Variants in TMEM43 observed in about 807,000 individuals in gnomAD.
TMEM43 encodes the protein arrhythmogenic right ventricular dysplasia 5.
Under a neutral mutation model 49.6 loss-of-function variants are expected in TMEM43, and 45 were observed. The observed-to-expected ratio is 0.91, with a 90% confidence interval of 0.71 to 1.16. The LOEUF is 1.16. Ranked by LOEUF, TMEM43 falls within the 50% of genes most tolerant of loss-of-function variation. The pLI, the probability that TMEM43 is intolerant of heterozygous loss-of-function variation, is 0.00. For missense variants in TMEM43, 532 were observed against 516.6 expected (o/e 1.03, Z -0.29); for synonymous variants, 199 against 207.8 (o/e 0.96, Z 0.36).
chr3:14,131,697 C>T, intron 4 of TMEM43, 23 bp downstream of exon 4: 3 of 1,571,090 alleles, frequency 1.9e-6, no homozygotes, highest in Non-Finnish European at 2.6e-6. Context: ...GGTGAAAACT[C>T]TGTTGGGGTA....
At chr3:14,129,362 T>G in intron 1 of TMEM43, 50 bp from the exon 2 acceptor site, 1 of 1,452,500 alleles carries the variant, frequency 6.9e-7, no homozygotes, top group Non-Finnish European at 9.3e-7. Flanking sequence ...GCAAATTTAA[T>G]TTATTTTTAA....
Position 14,125,351 on chromosome 3 carries a change from C to T in TMEM43, c.12+146C>T, listed in dbSNP as rs1695004259. Reference sequence around the variant, plus strand: ...CTCCCTCTGCTCGCCGTGTCTGTGCCTTCGCCAGCTCATCCCTCTGCTCAT... The same window carrying T: ...CTCCCTCTGCTCGCCGTGTCTGTGCTTTCGCCAGCTCATCCCTCTGCTCAT... On this transcript the variant is annotated intron_variant, in intron 1 of 11. Coordinates refer to ENST00000306077, the MANE Select transcript of TMEM43 (RefSeq NM_024334.3). 3.0e-6 allele frequency: 3 copies of T among 1,004,722 alleles called. No individual in the cohort carries two copies. The African/African-American group carries it at 4.8e-5, about 16-fold the overall frequency. 62.2% of individuals were successfully genotyped at this position (1,004,722 alleles called of 1,614,324 possible).
chr3:14,138,673 AAGCAGATGGG>A (rs1695207021), intron 10 of TMEM43, among the ~76,000 whole-genome samples: 1 of 152,156 alleles, frequency 6.6e-6, no homozygotes, highest in Admixed American at 6.5e-5. Context: ...GAGGCCAAGG[AAGCAGATGGG>A]ATGTCCGGGG....
chr3:14,132,927 A>T lies in TMEM43; in HGVS notation c.504A>T (p.Lys168Asn), dbSNP rs4685076. Residue 168 changes from lysine (K) to asparagine (N), a missense_variant, in exon 6 of 12, where the codon AAA becomes AAT. By Grantham distance (94) the Lys-to-Asn change is moderately conservative. Transcript: ENST00000306077. Reference sequence around the variant, plus strand: ...ACTTCGACCGAGAGATTGGCCACAAAAACCCCAGGTGAGAGCCAGGCCCAA... The same window carrying T: ...ACTTCGACCGAGAGATTGGCCACAATAACCCCAGGTGAGAGCCAGGCCCAA... Reference protein sequence around the residue: ...SKNFDREIGHKNPSAMAVESF... With the variant: ...SKNFDREIGHNNPSAMAVESF... The T allele has an allele frequency of 0.3, 488,920 of 1,612,400 alleles. 75,839 individuals are homozygous for T. The highest frequency in any genetic ancestry group is 0.39 in the Admixed American group (23,433 of 60,004).
At chr3:14,131,973 C>A (rs913114750) in intron 4 of TMEM43, among the ~76,000 whole-genome samples, 1 of 152,130 alleles carries the variant, frequency 6.6e-6, no homozygotes, top group Non-Finnish European at 1.5e-5. Context: ...TCATTAGGAT[C>A]AGCATGTCAA....
At chr3:14,125,306 C>A (rs1458315917) in intron 1 of TMEM43, 101 bp downstream of exon 1, 1 of 1,436,200 alleles carries the variant, frequency 7.0e-7, no homozygotes, top group Non-Finnish European at 9.5e-7. Context: ...TGGAGCTCCT[C>A]CGTGCGGCTA....
chr3:14,134,780 C>T lies in TMEM43; in HGVS notation c.594C>T (p.Asp198=), dbSNP rs369803289. The T allele has an allele frequency of 6.2e-7, 1 of 1,614,048 alleles. No homozygotes were observed. The highest frequency in any genetic ancestry group is 1.3e-5 in the African/African-American group (1 of 74,924). The change falls in exon 8 of 12, where the codon GAC becomes GAT. Residue 198 remains aspartate, a synonymous_variant. Coordinates refer to ENST00000306077, the MANE Select transcript of TMEM43 (RefSeq NM_024334.3). The part of the protein sequence containing the change: ...GRFFLSSGLI[D]KVDNFKSLSL... Reference sequence around the variant, plus strand: ...CTCTGGTCCCCTCAGGCCTCATCGACAAAGTCGACAACTTCAAGTCCCTGA... The same window carrying T: ...CTCTGGTCCCCTCAGGCCTCATCGATAAAGTCGACAACTTCAAGTCCCTGA...
chr3:14,128,169 G>T (rs7624198), intron 1 of TMEM43, among the ~76,000 whole-genome samples: 16,107 of 152,106 alleles, frequency 0.11, 2,112 homozygotes, highest in African/African-American at 0.29. Context: ...GAGCATAAAT[G>T]CAAACCCAGT....
intron 2 of TMEM43, among the ~76,000 whole-genome samples, chr3:14,130,554 C>T (rs1181554267): frequency 6.6e-6 from 1 of 152,126 alleles, no homozygotes; most frequent in Non-Finnish European, 1.5e-5. Flanking sequence ...GCAGAAACAT[C>T]AGCTGTTCCC....
chr3:14,129,149 G>A (rs1695058492), intron 1 of TMEM43: 1 of 399,634 alleles, frequency 2.5e-6, no homozygotes, highest in Non-Finnish European at 4.7e-6. Flanking sequence ...GGTGGAGAGG[G>A]GGAGAATTGG....
chr3:14,126,431 G>A (rs780118099), intron 1 of TMEM43, among the ~76,000 whole-genome samples: 2 of 152,166 alleles, frequency 1.3e-5, no homozygotes, highest in Non-Finnish European at 2.9e-5. Context: ...AGCTCTCGTG[G>A]CCGGCTTGGC....
At chr3:14,138,351 A>C (rs1695198936) in intron 10 of TMEM43, among the ~76,000 whole-genome samples, 1 of 151,900 alleles carries the variant, frequency 6.6e-6, no homozygotes, top group South Asian at 2.1e-4. Context: ...CTGTGTGGAG[A>C]ACACAGAGTG....
At chr3:14,134,634 C>G in intron 7 of TMEM43, 136 bp from the exon 8 acceptor site, 1 of 1,185,636 alleles carries the variant, frequency 8.4e-7, no homozygotes, top group Non-Finnish European at 1.3e-6. Flanking sequence ...GAGACAGAGT[C>G]AGAAAGAGGC....
intron 6 of TMEM43, 67 bp from the exon 7 acceptor site, chr3:14,133,672 C>A: frequency 6.6e-7 from 1 of 1,507,020 alleles, no homozygotes; most frequent in Non-Finnish European, 9.2e-7. Flanking sequence ...CCAGCACAAA[C>A]AACCCAAAGG....
rs1302631884 is a variant in TMEM43 at position 14,141,945 on chromosome 3, G to A, written c.*150G>A. On this transcript the variant is annotated 3_prime_UTR_variant, in exon 12 of 12. Coordinates refer to ENST00000306077, the MANE Select transcript of TMEM43 (RefSeq NM_024334.3). ...CTTCAGGGGCCAGACTTGGCAGCAT[G>A]TGCACCAGGTTGGTGTTCACCAGCT... The A allele has an allele frequency of 4.1e-6, 3 of 735,220 alleles. No individual in the cohort carries two copies. The highest frequency in any genetic ancestry group is 4.4e-6 in the Non-Finnish European group (2 of 456,040). 45.5% of individuals were successfully genotyped at this position (735,220 alleles called of 1,614,324 possible). A position where few individuals can be genotyped will look rare whatever the true frequency, so the allele number is the denominator to read the frequency against.
rs895209093 is a variant in TMEM43 at position 14,142,690 on chromosome 3, G to A, written c.*895G>A. 13 of 152,648 alleles carry A rather than the reference G, an allele frequency of 8.5e-5. No individual in the cohort carries two copies. Among genetic ancestry groups the A allele is most frequent in the African/African-American group, 3.1e-4 (13 of 41,456 alleles). The allele number at this position is 152,648 out of a possible 1,614,324, so 9.5% of individuals were successfully genotyped here. Reference sequence around the variant, plus strand: ...TTGATTGATAAAAAGTTACCTCTCAGTATTTTGTGTCACTGAGAAGCTTTA... The same window carrying A: ...TTGATTGATAAAAAGTTACCTCTCAATATTTTGTGTCACTGAGAAGCTTTA... On this transcript the variant is annotated 3_prime_UTR_variant, in exon 12 of 12. Transcript: ENST00000306077.
chr3:14,134,446 C>G (rs1695140114), intron 7 of TMEM43, among the ~76,000 whole-genome samples: 1 of 152,158 alleles, frequency 6.6e-6, no homozygotes, highest in African/African-American at 2.4e-5. Context: ...GCTGGGCCTG[C>G]CCTCAAGTAG....
rs1001419903 is a variant in TMEM43, at chr3:14,135,138, T to C, written c.706-20T>C. ...CAGCTACTCCGTTCCTCACTCTCCC[T>C]GCTTCTCTTCCACCCCCAGGTGGGA... On this transcript the variant is annotated intron_variant, in intron 8 of 11. Coordinates refer to ENST00000306077, the MANE Select transcript of TMEM43 (RefSeq NM_024334.3). 23 of 1,608,640 alleles carry C rather than the reference T, an allele frequency of 1.4e-5. No individual in the cohort carries two copies. Among genetic ancestry groups the C allele is most frequent in the Non-Finnish European group, 2.0e-5 (23 of 1,177,800 alleles).
intron 1 of TMEM43, among the ~76,000 whole-genome samples, chr3:14,126,405 G>A (rs940570976): frequency 1.3e-5 from 2 of 152,146 alleles, no homozygotes; most frequent in Non-Finnish European, 1.5e-5. Context: ...CCCTAGCAGG[G>A]GAAGGCACTT....
Sources: gnomAD v4.1 joint callset for allele counts (sites outside exome capture counted in the v4.1 genomes callset) on GRCh38, gnomAD v4.1.1 for gene constraint, MANE v1.5 for transcripts, NCBI Gene and HGNC (gene_info 2026-07-23, HGNC 2026-07-21) for gene names.